The following OPCML variants were observed in gnomAD, a reference collection of about 807,000 sequenced individuals.
OPCML encodes the protein opioid binding protein/cell adhesion molecule like.
OPCML carries 13 observed loss-of-function variants against 37.8 expected under a neutral mutation model. The observed-to-expected ratio is 0.34, with a 90% CI of 0.22 to 0.55. OPCML has a LOEUF of 0.55. Among genes scored for constraint, OPCML ranks in the 20% least tolerant of loss-of-function variants. OPCML has a pLI of 0.91. For missense variants in OPCML, 341 were observed against 435.6 expected, an observed-to-expected ratio of 0.78 and a Z score of 1.93; for synonymous variants, 176 against 168.8, an observed-to-expected ratio of 1.04 and a Z score of -0.33.
chr11:132,736,199 G>A (rs1945250464), intron 2 of OPCML, among the ~76,000 whole-genome samples: 1 of 152,208 alleles, frequency 6.6e-6, no homozygotes, highest in African/African-American at 2.4e-5. Context: ...GCCAGTGTGT[G>A]TGGTGGGGAG....
chr11:133,451,845 A>AC (rs1946586449), intron 1 of OPCML, among the ~76,000 whole-genome samples: 1 of 129,170 alleles, frequency 7.7e-6, no homozygotes, highest in Non-Finnish European at 1.5e-5. Flanking sequence ...TCCAACTAGA[A>AC]AAAAAAAATC....
chr11:132,770,636 A>C (rs938347310), intron 2 of OPCML, among the ~76,000 whole-genome samples: 1 of 152,082 alleles, frequency 6.6e-6, no homozygotes, highest in African/African-American at 2.4e-5. Context: ...CTTAAAAAAA[A>C]TACCTCCCCC....
Position 133,439,685 on chromosome 11 carries a change from T to A in OPCML, c.61+92579A>T, listed in dbSNP as rs184162519. On this transcript the variant is annotated intron_variant, in intron 1 of 7. Transcript: ENST00000524381. ...GGTTTCACCGTTTTAGCCAGGATGG[T>A]CTCGATCTCCTGACTTCGTGATCCA... 2.8e-4 allele frequency among the ~76,000 whole-genome samples: 42 copies of A among 151,762 alleles called. 1 individual carries two copies. In the East Asian group the frequency reaches 6.5e-3, roughly 23 times the overall value.
Position 133,168,212 on chromosome 11 carries a change from C to T in OPCML, c.62-225202G>A, listed in dbSNP as rs147218542. Among the ~76,000 whole-genome samples the T allele has an allele frequency of 3.3e-3, 499 of 152,262 alleles. 3 individuals carry two copies. The highest frequency in any genetic ancestry group is 0.011 in the African/African-American group (477 of 41,546). On this transcript the variant is annotated intron_variant, in intron 1 of 7. Coordinates refer to ENST00000524381, the MANE Select transcript of OPCML (RefSeq NM_001012393.5). Reference sequence around the variant, plus strand: ...ACCAGTGAAATGCCTCCCCGAATTGCGCAATAGCAGCCATGACACCAGGGA... The same window carrying T: ...ACCAGTGAAATGCCTCCCCGAATTGTGCAATAGCAGCCATGACACCAGGGA...
rs367787640 is a variant in OPCML, at chr11:132,654,115, T to G, written c.379+2972A>C. 2.7e-4 allele frequency among the ~76,000 whole-genome samples: 41 copies of G among 152,364 alleles called. 1 individual carries two copies. The highest frequency in any genetic ancestry group is 9.4e-4 in the African/African-American group (39 of 41,580). On this transcript the variant is annotated intron_variant, in intron 3 of 7. Transcript: ENST00000524381. ...CTATAGACTGGACAAAAGCTGATGC[T>G]GCTGGGAGAAGAACTCTGGGGCTTC...
At chr11:133,412,305 G>T (rs1371635217) in intron 1 of OPCML, among the ~76,000 whole-genome samples, 2 of 152,174 alleles carry the variant, frequency 1.3e-5, no homozygotes, top group African/African-American at 2.4e-5. Flanking sequence ...GGCCAGACTA[G>T]GGGAACAAGA....
In OPCML at chr11:132,547,076, G is replaced by A. The variant is rs534358668; in HGVS notation, c.380-17890C>T. Among the ~76,000 whole-genome samples, 153 of 152,312 alleles carry A rather than the reference G, an allele frequency of 1.0e-3. 3 individuals carry two copies. The South Asian group carries it at 0.031, about 31-fold the overall frequency. On this transcript the variant is annotated intron_variant, in intron 3 of 7. Coordinates refer to ENST00000524381, the MANE Select transcript of OPCML (RefSeq NM_001012393.5). ...AGGCCACTTTAAAAATATGTCACCA[G>A]AGAAAATGTCAAAGGCTTTTGGGAC...
intron 1 of OPCML, among the ~76,000 whole-genome samples, chr11:133,272,135 C>T (rs1489526577): frequency 6.6e-6 from 1 of 151,916 alleles, no homozygotes; most frequent in Non-Finnish European, 1.5e-5. Context: ...CAGAGATTAG[C>T]CCCTTACAAG....
At chr11:133,071,181 C>A (rs1948526516) in intron 1 of OPCML, among the ~76,000 whole-genome samples, 1 of 152,228 alleles carries the variant, frequency 6.6e-6, no homozygotes, top group South Asian at 2.1e-4. Flanking sequence ...AAGATGATGG[C>A]TTTGCCCTAT....
intron 1 of OPCML, among the ~76,000 whole-genome samples, chr11:133,354,379 T>C (rs2136700515): frequency 6.7e-6 from 1 of 149,664 alleles, no homozygotes; most frequent in African/African-American, 2.5e-5. Flanking sequence ...AGAAGAAAAA[T>C]ACGAATCAAT....
chr11:133,343,489 A>C (rs544843560), intron 1 of OPCML, among the ~76,000 whole-genome samples: 1 of 152,326 alleles, frequency 6.6e-6, no homozygotes, highest in African/African-American at 2.4e-5. Flanking sequence ...CTTCTGCCTG[A>C]GATCAGAGAT....
chr11:133,061,041 AT>A (rs972946682), intron 1 of OPCML, among the ~76,000 whole-genome samples: 7 of 152,278 alleles, frequency 4.6e-5, no homozygotes, highest in Non-Finnish European at 1.0e-4. Context: ...TTTCATGTTT[AT>A]TTTTAGTGTT....
At chr11:133,006,052 G>A in intron 1 of OPCML, 1 of 985,338 alleles carries the variant, frequency 1.0e-6, no homozygotes, top group Non-Finnish European at 1.2e-6. Flanking sequence ...CCATCCTAAG[G>A]GCGACCGGGA....
intron 1 of OPCML, among the ~76,000 whole-genome samples, chr11:132,944,019 C>T (rs1320421643): frequency 1.3e-5 from 2 of 151,840 alleles, no homozygotes; most frequent in East Asian, 3.9e-4. Context: ...GCGGCGCGGA[C>T]TGCGCGCTCA....
intron 2 of OPCML, among the ~76,000 whole-genome samples, chr11:132,868,781 T>C (rs994438225): frequency 2.0e-5 from 3 of 152,138 alleles, no homozygotes; most frequent in East Asian, 3.9e-4. Flanking sequence ...CCGTTACTAA[T>C]AGGTTTCTGC....
intron 4 of OPCML, among the ~76,000 whole-genome samples, chr11:132,504,116 G>T (rs751860779): frequency 3.3e-5 from 5 of 152,150 alleles, no homozygotes; most frequent in Non-Finnish European, 4.4e-5. Flanking sequence ...AAGTAAGATT[G>T]AAGAATAATC....
At chr11:132,959,206 G>A (rs1053952761) in intron 1 of OPCML, among the ~76,000 whole-genome samples, 7 of 152,208 alleles carry the variant, frequency 4.6e-5, no homozygotes, top group South Asian at 4.1e-4. Context: ...CAAGATTTCA[G>A]TGGAGGAAGT....
intron 3 of OPCML, among the ~76,000 whole-genome samples, chr11:132,567,182 C>A (rs1565671517): frequency 2.0e-5 from 3 of 152,276 alleles, no homozygotes; most frequent in East Asian, 3.9e-4. Context: ...CTGAATACTT[C>A]TTTTTCTCTC....
At chr11:133,482,204 G>A (rs1947387363) in intron 1 of OPCML, among the ~76,000 whole-genome samples, 1 of 152,102 alleles carries the variant, frequency 6.6e-6, no homozygotes, top group African/African-American at 2.4e-5. Context: ...GGTGGTGAGA[G>A]GAGTCACAGA....
Sources: gnomAD v4.1 joint callset for allele counts (sites outside exome capture counted in the v4.1 genomes callset) on GRCh38, gnomAD v4.1.1 for gene constraint, MANE v1.5 for transcripts, NCBI Gene and HGNC (gene_info 2026-07-23, HGNC 2026-07-21) for gene names.